FLRT2: variants seen among roughly 807,000 people sequenced by gnomAD.
The protein encoded by FLRT2 is leucine-rich repeat transmembrane protein FLRT2.
FLRT2 carries 15 observed loss-of-function variants against 40.0 expected under a neutral mutation model. That is an observed-to-expected ratio of 0.38 (90% CI 0.25 to 0.58). The LOEUF (loss-of-function observed/expected upper bound fraction) is 0.58. Ranked by LOEUF, FLRT2 falls within the 20% of genes least tolerant of loss-of-function variation. The pLI is 0.71. For synonymous variants in FLRT2, 380 were observed against 336.8 expected (o/e 1.13, Z -1.41); for missense variants, 726 against 840.0 (o/e 0.86, Z 1.68).
rs1894448422 is a variant in FLRT2, at chr14:85,652,190, A to G, written c.*28693A>G. The G allele has an allele frequency of 6.6e-6, 1 of 152,110 alleles. No individual in the cohort carries two copies. The allele number at this position is 152,110 out of a possible 1,614,324, so 9.4% of individuals were successfully genotyped here. On this transcript the variant is annotated 3_prime_UTR_variant, in exon 2 of 2. Transcript: ENST00000330753. ...CATAAACATATTAAAGTCAATTATA[A>G]TTCTGTTTTTAATGACCTTATTAGC...
chr14:85,556,897 T>C (rs1249634833), intron 1 of FLRT2, among the ~76,000 whole-genome samples: 1 of 152,176 alleles, frequency 6.6e-6, no homozygotes, highest in Non-Finnish European at 1.5e-5. Flanking sequence ...GGGCTTACAG[T>C]TCCACATGGC....
In FLRT2 at chr14:85,651,296, T is replaced by TG. The variant is rs1894428336; in HGVS notation, c.*27799_*27800insG. On this transcript the variant is annotated 3_prime_UTR_variant, in exon 2 of 2. Coordinates refer to ENST00000330753, the MANE Select transcript of FLRT2 (RefSeq NM_013231.6). ...GTGTGTGTGTGTGTGTGTGTATTTG[T>TG]TGTGATTTGTTTTTATGTTTTAGCA... is the stretch of plus-strand genomic sequence containing the variant. The TG allele has an allele frequency of 6.6e-6, 1 of 151,550 alleles. No homozygotes were observed. Among genetic ancestry groups the TG allele is most frequent in the African/African-American group, 2.4e-5 (1 of 41,318 alleles). 9.4% of individuals were successfully genotyped at this position (151,550 alleles called of 1,614,324 possible).
At chr14:85,578,607 C>A (rs554156058) in intron 1 of FLRT2, among the ~76,000 whole-genome samples, 1 of 152,184 alleles carries the variant, frequency 6.6e-6, no homozygotes, top group Non-Finnish European at 1.5e-5. Flanking sequence ...CTGACACAGG[C>A]AAAGAAAATA....
At chr14:85,560,768 A>G (rs1401781313) in intron 1 of FLRT2, 2 of 152,026 alleles carry the variant, frequency 1.3e-5, no homozygotes, top group African/African-American at 4.8e-5. Flanking sequence ...AGAAGGCACA[A>G]TATGCCAGTA....
rs1893911789 is a variant in FLRT2 at position 85,632,759 on chromosome 14, T to G, written c.*9262T>G. 1 of 152,314 alleles carries G rather than the reference T, an allele frequency of 6.6e-6. No homozygotes were observed. 9.4% of individuals were successfully genotyped at this position (152,314 alleles called of 1,614,324 possible). ...TAGTCTTTCCTAGAAATGATATGCT[T>G]GTAAAGAAGGGAGTGGAGAGTGGTA... On this transcript the variant is annotated 3_prime_UTR_variant, in exon 2 of 2. Transcript: ENST00000330753.
intron 1 of FLRT2, among the ~76,000 whole-genome samples, chr14:85,585,833 C>A (rs1291047369): frequency 2.0e-5 from 3 of 151,914 alleles, no homozygotes; most frequent in Non-Finnish European, 4.4e-5. Context: ...GCTGGGGAAC[C>A]AAAGATGAGC....
intron 1 of FLRT2, among the ~76,000 whole-genome samples, chr14:85,586,498 T>G (rs1480960700): frequency 6.6e-6 from 1 of 152,164 alleles, no homozygotes. Context: ...ACACTTAATT[T>G]GTTAAGATGG....
At chr14:85,577,368 A>C (rs1891162916) in intron 1 of FLRT2, among the ~76,000 whole-genome samples, 1 of 152,138 alleles carries the variant, frequency 6.6e-6, no homozygotes, top group Admixed American at 6.5e-5. Context: ...GCTCTTACAA[A>C]ATTCCTGTTG....
chr14:85,592,153 A>G (rs1042252899), intron 1 of FLRT2, among the ~76,000 whole-genome samples: 1 of 152,126 alleles, frequency 6.6e-6, no homozygotes, highest in African/African-American at 2.4e-5. Flanking sequence ...AAAATATTTT[A>G]TAAGTTTTTT....
chr14:85,609,027 C>G (rs1224980193), intron 1 of FLRT2, among the ~76,000 whole-genome samples: 1 of 152,196 alleles, frequency 6.6e-6, no homozygotes, highest in Non-Finnish European at 1.5e-5. Context: ...AGTGGCAGTG[C>G]AGGGATAACT....
intron 1 of FLRT2, among the ~76,000 whole-genome samples, chr14:85,601,241 C>T (rs529956004): frequency 5.9e-5 from 9 of 152,242 alleles, no homozygotes; most frequent in East Asian, 1.9e-4. Flanking sequence ...CCTGGGCAGG[C>T]GGTAAACTAT....
chr14:85,548,933 A>C (rs931600363), intron 1 of FLRT2, among the ~76,000 whole-genome samples: 1 of 152,202 alleles, frequency 6.6e-6, no homozygotes, highest in Non-Finnish European at 1.5e-5. Flanking sequence ...GCTGAGAAAG[A>C]CAGAAGAGAA....
At chr14:85,563,512 G>A (rs1312547937) in intron 1 of FLRT2, among the ~76,000 whole-genome samples, 1 of 152,174 alleles carries the variant, frequency 6.6e-6, no homozygotes, top group African/African-American at 2.4e-5. Flanking sequence ...GAAGGGCGAA[G>A]GGGAAGCAGG....
At chr14:85,614,102 C>T (rs986620262) in intron 1 of FLRT2, among the ~76,000 whole-genome samples, 4 of 152,126 alleles carry the variant, frequency 2.6e-5, no homozygotes, top group Non-Finnish European at 5.9e-5. Context: ...CCTCTAACAA[C>T]CGTGAAATAT....
rs1279604275 is a variant in FLRT2, at chr14:85,647,319, A to T, written c.*23822A>T. 1 of 152,152 alleles carries T rather than the reference A, an allele frequency of 6.6e-6. No homozygotes were observed. Among genetic ancestry groups the T allele is most frequent in the Non-Finnish European group, 1.5e-5 (1 of 68,022 alleles). The allele number at this position is 152,152 out of a possible 1,614,324, so 9.4% of individuals were successfully genotyped here. The stretch of plus-strand genomic sequence containing the variant: ...AACAGAGGAGTTTTGTTTTCTTGTT[A>T]TCTGTAGCAGAATTGAATGTTGCCC... On this transcript the variant is annotated 3_prime_UTR_variant, in exon 2 of 2. Coordinates refer to ENST00000330753, the MANE Select transcript of FLRT2 (RefSeq NM_013231.6).
In FLRT2 at chr14:85,640,015, A is replaced by G. The variant is rs1894114456; in HGVS notation, c.*16518A>G. ...AGGCTCCTGCCACCACGCCTGGCTA[A>G]TATTTTGTATTTTTAGTAGAGACGA... is the stretch of plus-strand genomic sequence containing the variant. On this transcript the variant is annotated 3_prime_UTR_variant, in exon 2 of 2. Transcript: ENST00000330753. The G allele has an allele frequency of 6.6e-6, 1 of 151,818 alleles. No homozygotes were observed. Among genetic ancestry groups the G allele is most frequent in the African/African-American group, 2.4e-5 (1 of 41,310 alleles). 9.4% of individuals were successfully genotyped at this position (151,818 alleles called of 1,614,324 possible). A position where few individuals can be genotyped will look rare whatever the true frequency, so the allele number is the denominator to read the frequency against.
intron 1 of FLRT2, among the ~76,000 whole-genome samples, chr14:85,582,866 T>C (rs1356520963): frequency 6.6e-6 from 1 of 151,744 alleles, no homozygotes; most frequent in Non-Finnish European, 1.5e-5. Flanking sequence ...TCTGTGTAGG[T>C]TGGAGATATA....
At chr14:85,620,558 A>G (rs370587430) in intron 1 of FLRT2, among the ~76,000 whole-genome samples, 8 of 152,198 alleles carry the variant, frequency 5.3e-5, no homozygotes, top group African/African-American at 1.7e-4. Flanking sequence ...TTTTTATAAC[A>G]TAGTATATGA....
chr14:85,583,444 G>A (rs1381457445), intron 1 of FLRT2, among the ~76,000 whole-genome samples: 2 of 152,150 alleles, frequency 1.3e-5, no homozygotes, highest in Non-Finnish European at 2.9e-5. Context: ...CAACTGATGA[G>A]CACTCTGTCC....
Sources: allele counts gnomAD v4.1 joint callset (sites outside exome capture counted in the v4.1 genomes callset), GRCh38; gene constraint gnomAD v4.1.1; transcripts MANE v1.5; gene names NCBI Gene and HGNC (gene_info 2026-07-23, HGNC 2026-07-21).